Variants in AFG2A observed in about 807,000 individuals in gnomAD.
The protein encoded by AFG2A is ATPase family gene 2 protein homolog A.
the AFG2A span, chr4:122,928,940 A>C: frequency 2.9e-6 from 4 of 1,395,044 alleles, no homozygotes; most frequent in Non-Finnish European, 3.8e-6. Flanking sequence ...TGTATTTTGC[A>C]TATCTTAAGT....
At chr4:122,948,068 G>A in the AFG2A span, among the ~76,000 whole-genome samples, 1 of 152,066 alleles carries the variant, frequency 6.6e-6, no homozygotes, top group Non-Finnish European at 1.5e-5. Flanking sequence ...CAAGGCTTCA[G>A]GTCAACAATA....
At chr4:123,256,422 A>G in the AFG2A span, among the ~76,000 whole-genome samples, 1 of 152,214 alleles carries the variant, frequency 6.6e-6, no homozygotes, top group Non-Finnish European at 1.5e-5. Context: ...GAGGAATAGC[A>G]TAATATAGTG....
chr4:122,934,396 C>T, the AFG2A span: 2 of 1,614,198 alleles, frequency 1.2e-6, no homozygotes, highest in Non-Finnish European at 1.7e-6. Flanking sequence ...TGATGTTTTG[C>T]TGGATGTTAC....
the AFG2A span, among the ~76,000 whole-genome samples, chr4:123,079,256 C>A: frequency 6.6e-6 from 1 of 152,152 alleles, no homozygotes; most frequent in Non-Finnish European, 1.5e-5. Flanking sequence ...TGATCTTTGC[C>A]TAACATGAGA....
the AFG2A span, among the ~76,000 whole-genome samples, chr4:123,243,488 A>T: frequency 1.3e-5 from 2 of 152,144 alleles, no homozygotes; most frequent in African/African-American, 4.8e-5. Flanking sequence ...TCAGCAAACT[A>T]TCAGAAGGAC....
the AFG2A span, among the ~76,000 whole-genome samples, chr4:123,059,918 T>G: frequency 2.0e-5 from 3 of 152,312 alleles, no homozygotes; most frequent in Non-Finnish European, 4.4e-5. Context: ...TGGTGAGCAT[T>G]TTTTCATGTG....
At chr4:123,129,124 T>A in the AFG2A span, among the ~76,000 whole-genome samples, 1 of 152,220 alleles carries the variant, frequency 6.6e-6, no homozygotes, top group Non-Finnish European at 1.5e-5. Flanking sequence ...TGGAGGCTAC[T>A]GCATTTTCAA....
At chr4:123,029,819 G>T in the AFG2A span, among the ~76,000 whole-genome samples, 2 of 152,018 alleles carry the variant, frequency 1.3e-5, no homozygotes, top group Non-Finnish European at 2.9e-5. Flanking sequence ...TAACATTTTT[G>T]TAGAGACAGG....
At chr4:123,103,139 C>T in the AFG2A span, among the ~76,000 whole-genome samples, 1 of 151,972 alleles carries the variant, frequency 6.6e-6, no homozygotes, top group African/African-American at 2.4e-5. Context: ...AGAGGCTCCC[C>T]CTTATTTATC....
chr4:123,091,262 T>C, the AFG2A span, among the ~76,000 whole-genome samples: 1 of 152,320 alleles, frequency 6.6e-6, no homozygotes, highest in Admixed American at 6.5e-5. Flanking sequence ...ACTTGGTCAT[T>C]CCAAGACCAC....
chr4:123,281,175 A>C, the AFG2A span, among the ~76,000 whole-genome samples: 1 of 152,128 alleles, frequency 6.6e-6, no homozygotes, highest in Non-Finnish European at 1.5e-5. Context: ...TTTTTGAACT[A>C]TTTTGTGGAT....
the AFG2A span, among the ~76,000 whole-genome samples, chr4:122,949,272 G>T: frequency 6.6e-6 from 1 of 152,196 alleles, no homozygotes; most frequent in African/African-American, 2.4e-5. Context: ...GCCCATCATT[G>T]TGTACAGCCT....
the AFG2A span, among the ~76,000 whole-genome samples, chr4:123,039,955 C>T: frequency 6.6e-6 from 1 of 152,030 alleles, no homozygotes; most frequent in African/African-American, 2.4e-5. Flanking sequence ...CACTGACAGC[C>T]TAGTACTCCA....
At chr4:123,068,347 C>T in the AFG2A span, among the ~76,000 whole-genome samples, 2 of 152,060 alleles carry the variant, frequency 1.3e-5, no homozygotes, top group Admixed American at 6.5e-5. Flanking sequence ...GAGCAAAGGC[C>T]GTATGGGTAA....
the AFG2A span, among the ~76,000 whole-genome samples, chr4:123,306,586 A>G: frequency 6.7e-6 from 1 of 149,232 alleles, no homozygotes; most frequent in East Asian, 2.0e-4. Flanking sequence ...ATGGGGCTTC[A>G]CTCTTGTTGC....
At chr4:123,097,215 C>G in the AFG2A span, among the ~76,000 whole-genome samples, 985 of 152,086 alleles carry the variant, frequency 6.5e-3, 14 homozygotes, top group African/African-American at 0.022. Flanking sequence ...AAATAAAAAG[C>G]TAAATATACG....
the AFG2A span, among the ~76,000 whole-genome samples, chr4:123,096,414 A>C: frequency 3.3e-5 from 5 of 152,010 alleles, no homozygotes; most frequent in Admixed American, 3.3e-4. Flanking sequence ...TAAATGCCCA[A>C]ACTTTTGGAA....
chr4:123,130,634 G>A, the AFG2A span, among the ~76,000 whole-genome samples: 1 of 152,130 alleles, frequency 6.6e-6, no homozygotes, highest in Non-Finnish European at 1.5e-5. Context: ...CTATATAGAT[G>A]CACTACAGTT....
At chr4:122,993,579 T>G in the AFG2A span, among the ~76,000 whole-genome samples, 1 of 152,130 alleles carries the variant, frequency 6.6e-6, no homozygotes, top group African/African-American at 2.4e-5. Context: ...GACTAAAATG[T>G]ATTATTTTTA....
Sources: allele counts gnomAD v4.1 joint callset (sites outside exome capture counted in the v4.1 genomes callset), GRCh38; gene constraint gnomAD v4.1.1; transcripts MANE v1.5; gene names NCBI Gene and HGNC (gene_info 2026-07-23, HGNC 2026-07-21).